ACSS1: variants seen among roughly 807,000 people sequenced by gnomAD.
The protein encoded by ACSS1 is acetyl-coenzyme A synthetase 2-like, mitochondrial.
ACSS1 carries 42 observed loss-of-function variants against 75.3 expected under a neutral mutation model. That is an observed-to-expected ratio of 0.56 (90% CI 0.44 to 0.72). The LOEUF is 0.72. Among genes scored for constraint, ACSS1 ranks in the 30% least tolerant of loss-of-function variants. The probability of loss-of-function intolerance (pLI) is 0.00; values close to 1 mark genes in which losing one functional copy is unlikely to be tolerated. For synonymous variants in ACSS1, 380 were observed against 376.8 expected, an observed-to-expected ratio of 1.01 and a Z score of -0.10; for missense variants, 782 against 935.7, an observed-to-expected ratio of 0.84 and a Z score of 2.14.
intron 2 of ACSS1, chr20:25,032,296 C>T: frequency 8.0e-7 from 1 of 1,244,994 alleles, no homozygotes; most frequent in Admixed American, 3.7e-5. Context: ...ACACGTGACC[C>T]AACCTGGTCC....
intron 2 of ACSS1, chr20:25,046,295 T>C (rs547483234): frequency 6.4e-6 from 1 of 155,456 alleles, no homozygotes; most frequent in Admixed American, 6.3e-5. Flanking sequence ...CATTTCAGTG[T>C]CATGGACCTG....
Position 25,030,884 on chromosome 20 carries a change from G to GCAACAC in ACSS1, c.500_505dup (p.Val168_Ala169insGlyVal). The GCAACAC allele has an allele frequency of 6.2e-7, 1 of 1,614,222 alleles. No homozygotes were observed. Among genetic ancestry groups the GCAACAC allele is most frequent in the East Asian group, 2.2e-5 (1 of 44,882 alleles). ...CAATGGGGACACGGGCATGTAGATG[G>GCAACAC]CAACACGGTCCCCACGGTGGACTCC... On this transcript the variant is annotated inframe_insertion, in exon 3 of 14. Coordinates refer to ENST00000323482, the MANE Select transcript of ACSS1 (RefSeq NM_032501.4).
intron 10 of ACSS1, 152 bp from the exon 11 acceptor site, chr20:25,013,091 G>A: frequency 1.7e-6 from 2 of 1,203,204 alleles, no homozygotes; most frequent in Non-Finnish European, 2.3e-6. Context: ...ATGTTCTAGA[G>A]CATGGGCAGG....
At chr20:25,055,266 G>A (rs1271531508) in intron 1 of ACSS1, among the ~76,000 whole-genome samples, 1 of 152,306 alleles carries the variant, frequency 6.6e-6, no homozygotes, top group South Asian at 2.1e-4. Context: ...CTTAGGGGTG[G>A]TTTGATGTAC....
intron 1 of ACSS1, among the ~76,000 whole-genome samples, chr20:25,049,333 T>C (rs1568850183): frequency 6.6e-6 from 1 of 152,132 alleles, no homozygotes; most frequent in East Asian, 1.9e-4. Context: ...TCATGCCAAG[T>C]GTAGCATTAA....
Position 25,030,958 on chromosome 20 carries a change from C to T in ACSS1, c.432G>A (p.Arg144=), listed in dbSNP as rs1245248148. The change falls in exon 3 of 14, where the codon AGG becomes AGA. Residue 144 remains arginine (R), a splice_region_variant and synonymous_variant. Coordinates refer to ENST00000323482, the MANE Select transcript of ACSS1 (RefSeq NM_032501.4). ...GGCGGCACGTGGTCTCCAGTAGTTC[C>T]CTGCAGCACAGGGAAGAGAAAGCCA... is the stretch of plus-strand genomic sequence containing the variant. ...EPGTEVRITY[R]ELLETTCRLA... is the part of the protein sequence containing the mutation. The T allele has an allele frequency of 1.2e-6, 2 of 1,613,922 alleles. No individual in the cohort carries two copies. Among genetic ancestry groups the T allele is most frequent in the Middle Eastern group, 1.6e-4 (1 of 6,062 alleles).
At chr20:25,041,102 CA>C (rs1484509440) in intron 2 of ACSS1, among the ~76,000 whole-genome samples, 14 of 151,916 alleles carry the variant, frequency 9.2e-5, no homozygotes, top group Non-Finnish European at 1.3e-4. Flanking sequence ...ATTAAAAATA[CA>C]AAAAATTAGC....
At chr20:25,012,728 C>T in intron 11 of ACSS1, 64 bp from the exon 12 acceptor site, 1 of 1,613,054 alleles carries the variant, frequency 6.2e-7, no homozygotes, top group Non-Finnish European at 8.5e-7. Context: ...GTGACTCGGG[C>T]CAGGGACTCC....
At chr20:25,036,337 T>C (rs913059890) in intron 2 of ACSS1, among the ~76,000 whole-genome samples, 21 of 152,172 alleles carry the variant, frequency 1.4e-4, no homozygotes, top group Non-Finnish European at 3.1e-4. Flanking sequence ...CAATTGGGAA[T>C]AACTTTTATC....
chr20:25,025,589 G>A (rs1486067305), intron 3 of ACSS1, among the ~76,000 whole-genome samples: 1 of 152,190 alleles, frequency 6.6e-6, no homozygotes, highest in Admixed American at 6.5e-5. Flanking sequence ...TCAAGGACAG[G>A]GCTGGCTCCT....
intron 7 of ACSS1, among the ~76,000 whole-genome samples, chr20:25,019,629 C>T (rs1276381555): frequency 6.6e-6 from 1 of 152,220 alleles, no homozygotes; most frequent in Non-Finnish European, 1.5e-5. Context: ...AGCAATCCTC[C>T]CACCTCAGCC....
At chr20:25,052,453 T>C (rs985161969) in intron 1 of ACSS1, among the ~76,000 whole-genome samples, 3 of 152,246 alleles carry the variant, frequency 2.0e-5, no homozygotes, top group Non-Finnish European at 4.4e-5. Flanking sequence ...CCATGCTCCC[T>C]GGTGGTCCCC....
Position 25,013,814 on chromosome 20 carries a change from T to G in ACSS1, c.1452+147A>C, listed in dbSNP as rs565377225. 41 of 1,325,114 alleles carry G rather than the reference T, an allele frequency of 3.1e-5. No homozygotes were observed. The African/African-American group carries it at 5.3e-4, about 17-fold the overall frequency. The allele number at this position is 1,325,114 out of a possible 1,614,324, so 82.1% of individuals were successfully genotyped here. ...AGCCACCTGTGTGGCCACTACCCAG[T>G]GCATGATACCAGCTGCAGTGAACGC... On this transcript the variant is annotated intron_variant, in intron 9 of 13. Coordinates refer to ENST00000323482, the MANE Select transcript of ACSS1 (RefSeq NM_032501.4).
intron 1 of ACSS1, among the ~76,000 whole-genome samples, chr20:25,049,267 CACA>C (rs1213428644): frequency 6.6e-6 from 1 of 152,182 alleles, no homozygotes; most frequent in Non-Finnish European, 1.5e-5. Flanking sequence ...CCTGAATTTA[CACA>C]ACATCTCTGT....
chr20:25,056,663 G>T (rs1436838696), intron 1 of ACSS1, among the ~76,000 whole-genome samples: 1 of 151,828 alleles, frequency 6.6e-6, no homozygotes, highest in African/African-American at 2.4e-5. Flanking sequence ...ACTGAGGGCT[G>T]GGGGGGCAGA....
chr20:25,032,594 G>T, intron 2 of ACSS1: 1 of 1,240,492 alleles, frequency 8.1e-7, no homozygotes, highest in Non-Finnish European at 1.0e-6. Context: ...ACCAGCCCGC[G>T]ACCCCTGCCC....
intron 6 of ACSS1, among the ~76,000 whole-genome samples, chr20:25,020,352 A>C (rs1011958541): frequency 3.8e-5 from 5 of 133,030 alleles, no homozygotes; most frequent in Non-Finnish European, 1.6e-5. Context: ...GCTCTCCTCC[A>C]AGCACTCCCC....
chr20:25,012,974 C>A (rs747233283), intron 10 of ACSS1, 35 bp from the exon 11 acceptor site: 3 of 1,613,694 alleles, frequency 1.9e-6, no homozygotes, highest in Non-Finnish European at 1.7e-6. Flanking sequence ...CACCAGGAAC[C>A]CTGAGCCAGG....
chr20:25,013,030 C>A (rs769172363), intron 10 of ACSS1, 91 bp from the exon 11 acceptor site: 155 of 1,581,964 alleles, frequency 9.8e-5, no homozygotes, highest in Non-Finnish European at 1.3e-4. Flanking sequence ...CAGCCCAGCA[C>A]GCGGCTGAAG....
Sources: gnomAD v4.1 joint callset for allele counts (sites outside exome capture counted in the v4.1 genomes callset) on GRCh38, gnomAD v4.1.1 for gene constraint, MANE v1.5 for transcripts, NCBI Gene and HGNC (gene_info 2026-07-23, HGNC 2026-07-21) for gene names.